RALGAPA1: variants seen among roughly 807,000 people sequenced by gnomAD.
RALGAPA1 encodes the protein ral GTPase-activating protein subunit alpha-1.
In RALGAPA1, 52 loss-of-function variants were observed where a neutral mutation model predicts 269.6. The observed-to-expected ratio is 0.19, with a 90% CI of 0.15 to 0.24. The LOEUF (loss-of-function observed/expected upper bound fraction) is 0.24, where lower values mean the gene tolerates loss of function less well. RALGAPA1 is among the 10% of genes least tolerant of loss of function. RALGAPA1 has a pLI of 1.00. For synonymous variants in RALGAPA1, 817 were observed against 1,008.3 expected, an observed-to-expected ratio of 0.81 and a Z score of 3.60; for missense variants, 1,917 against 3,013.9, an observed-to-expected ratio of 0.64 and a Z score of 8.52.
chr14:35,544,011 A>G (rs1297338774), intron 41 of RALGAPA1, among the ~76,000 whole-genome samples: 2 of 152,242 alleles, frequency 1.3e-5, no homozygotes, highest in African/African-American at 4.8e-5. Flanking sequence ...AGATACATTC[A>G]AGAACTACTA....
Position 35,581,285 on chromosome 14 carries a change from C to T in RALGAPA1, c.7210-8567G>A, listed in dbSNP as rs150128687. ...CTGAGGAAAAGATTAAGGCAACAGT[C>T]ATTAGGTATAGGGAAACGGGAAACA... On this transcript the variant is annotated intron_variant, in intron 37 of 41. Coordinates refer to ENST00000680220, the MANE Select transcript of RALGAPA1 (RefSeq NM_001346249.2). 3.9e-3 allele frequency among the ~76,000 whole-genome samples: 588 copies of T among 152,130 alleles called. 4 individuals are homozygous for T. Among genetic ancestry groups the T allele is most frequent in the African/African-American group, 0.013 (557 of 41,516 alleles).
At position 35,668,948 on chromosome 14, in the gene RALGAPA1, C is replaced by A. The variant is rs571995909; in HGVS notation, c.5202+2441G>T. On this transcript the variant is annotated intron_variant, in intron 26 of 41. Coordinates refer to ENST00000680220, the MANE Select transcript of RALGAPA1 (RefSeq NM_001346249.2). ...TGCCTATTACACTCTTACAGATTAA[C>A]TAGCTCCTAAACAAAATGGATTATT... 9.9e-5 allele frequency among the ~76,000 whole-genome samples: 15 copies of A among 152,148 alleles called. No individual in the cohort carries two copies. In the East Asian group the frequency reaches 2.1e-3, roughly 22 times the overall value.
At chr14:35,570,985 A>G (rs1356164257) in intron 38 of RALGAPA1, among the ~76,000 whole-genome samples, 1 of 152,250 alleles carries the variant, frequency 6.6e-6, no homozygotes, top group African/African-American at 2.4e-5. Context: ...AACTGAGTAA[A>G]TAATTTACAC....
intron 28 of RALGAPA1, among the ~76,000 whole-genome samples, chr14:35,657,674 A>C (rs2063278360): frequency 7.1e-6 from 1 of 140,094 alleles, no homozygotes; most frequent in African/African-American, 2.9e-5. Context: ...CTTGAGAAGC[A>C]ACATATATAT....
rs2075459314 is a variant in RALGAPA1 at position 35,781,874 on chromosome 14, A to G, written c.107-6129T>C. Among the ~76,000 whole-genome samples, 3 of 152,156 alleles carry G rather than the reference A, an allele frequency of 2.0e-5. No homozygotes were observed. The South Asian group carries it at 6.2e-4, about 31-fold the overall frequency. On this transcript the variant is annotated intron_variant, in intron 1 of 41. Coordinates refer to ENST00000680220, the MANE Select transcript of RALGAPA1 (RefSeq NM_001346249.2). ...ATGAAACGGTCACAACTAACAACACACTTAGTGAAAAAAGACTGAAAGCTT... is the reference window on the plus strand; with the variant it reads ...ATGAAACGGTCACAACTAACAACACGCTTAGTGAAAAAAGACTGAAAGCTT...
chr14:35,648,395 G>A (rs2062595037), intron 31 of RALGAPA1, among the ~76,000 whole-genome samples: 1 of 151,728 alleles, frequency 6.6e-6, no homozygotes, highest in Admixed American at 6.6e-5. Context: ...GAACCTAGGA[G>A]GCGGAGATTG....
At chr14:35,594,721 GAA>G (rs55648804) in intron 37 of RALGAPA1, among the ~76,000 whole-genome samples, 17,626 of 126,556 alleles carry the variant, frequency 0.14, 1,075 homozygotes, top group South Asian at 0.16. Flanking sequence ...CAGCAATTAT[GAA>G]AAAAAAAAAA....
intron 39 of RALGAPA1, among the ~76,000 whole-genome samples, chr14:35,563,491 G>A (rs538075960): frequency 1.2e-4 from 18 of 152,200 alleles, no homozygotes; most frequent in Admixed American, 6.5e-4. Context: ...AGGAGTACAG[G>A]TATATTGGAC....
chr14:35,623,601 GTGT>G, intron 35 of RALGAPA1, among the ~76,000 whole-genome samples: 1 of 152,268 alleles, frequency 6.6e-6, no homozygotes, highest in South Asian at 2.1e-4. Flanking sequence ...AGTTATATAG[GTGT>G]TGTTACAAAA....
chr14:35,572,893 CCAGA>C (rs1215210753), intron 37 of RALGAPA1, 175 bp from the exon 38 acceptor site: 33 of 389,768 alleles, frequency 8.5e-5, no homozygotes, highest in African/African-American at 6.4e-4. Flanking sequence ...CTGCAGAAGA[CCAGA>C]CAATTTCAAT....
chr14:35,628,658 G>A (rs754868923), intron 33 of RALGAPA1, among the ~76,000 whole-genome samples: 1 of 152,090 alleles, frequency 6.6e-6, no homozygotes, highest in African/African-American at 2.4e-5. Context: ...AGTAAACTCC[G>A]GGAATCAGAA....
intron 39 of RALGAPA1, among the ~76,000 whole-genome samples, chr14:35,560,722 TTAACTG>T (rs1264556420): frequency 3.3e-5 from 5 of 152,206 alleles, no homozygotes; most frequent in Admixed American, 3.3e-4. Flanking sequence ...CTCCCACAGT[TTAACTG>T]TAAGTAATTA....
intron 35 of RALGAPA1, among the ~76,000 whole-genome samples, chr14:35,621,302 T>C (rs377093663): frequency 1.2e-4 from 18 of 152,088 alleles, no homozygotes; most frequent in Admixed American, 5.2e-4. Context: ...GGAAAACTGG[T>C]TAGCCATATG....
chr14:35,687,245 CACT>C (rs1430695058), intron 18 of RALGAPA1, among the ~76,000 whole-genome samples: 1 of 151,962 alleles, frequency 6.6e-6, no homozygotes, highest in Non-Finnish European at 1.5e-5. Context: ...ATTTTTTTAT[CACT>C]ACATTATTAT....
chr14:35,766,184 C>A, intron 4 of RALGAPA1: 1 of 838,146 alleles, frequency 1.2e-6, no homozygotes. Flanking sequence ...GCTTAGTTTC[C>A]CATCATGGTC....
At chr14:35,757,791 T>C (rs1334850757) in intron 6 of RALGAPA1, among the ~76,000 whole-genome samples, 1 of 152,170 alleles carries the variant, frequency 6.6e-6, no homozygotes, top group African/African-American at 2.4e-5. Context: ...CTGGTAAACA[T>C]ATGTAGGTCC....
At chr14:35,777,084 T>A (rs566043886) in intron 1 of RALGAPA1, among the ~76,000 whole-genome samples, 2 of 152,282 alleles carry the variant, frequency 1.3e-5, no homozygotes, top group Non-Finnish European at 2.9e-5. Context: ...GCTACATATG[T>A]GATTTTAAAT....
At chr14:35,582,247 T>C (rs2057996887) in intron 37 of RALGAPA1, among the ~76,000 whole-genome samples, 1 of 152,054 alleles carries the variant, frequency 6.6e-6, no homozygotes, top group African/African-American at 2.4e-5. Flanking sequence ...GTTTAATGGG[T>C]ACAAAGTTGC....
At chr14:35,673,962 T>C (rs2064726850) in intron 24 of RALGAPA1, among the ~76,000 whole-genome samples, 1 of 152,208 alleles carries the variant, frequency 6.6e-6, no homozygotes. Flanking sequence ...CATACCTCTC[T>C]ATATTCACTT....
Sources: gnomAD v4.1 joint callset for allele counts (sites outside exome capture counted in the v4.1 genomes callset) on GRCh38, gnomAD v4.1.1 for gene constraint, MANE v1.5 for transcripts, NCBI Gene and HGNC (gene_info 2026-07-23, HGNC 2026-07-21) for gene names.